Variants in RNFT2 observed in about 807,000 individuals in gnomAD.
RNFT2 encodes the protein ring finger protein, transmembrane 2.
Under a neutral mutation model 53.0 loss-of-function variants are expected in RNFT2, and 36 were observed. That is an observed-to-expected ratio of 0.68 (90% CI 0.52 to 0.90). The LOEUF (loss-of-function observed/expected upper bound fraction) is 0.90. Ranked by LOEUF, RNFT2 falls within the 40% of genes least tolerant of loss-of-function variation. The pLI, the probability that RNFT2 is intolerant of heterozygous loss-of-function variation, is 0.00. For missense variants in RNFT2, 514 were observed against 585.6 expected, an observed-to-expected ratio of 0.88 and a Z score of 1.26; for synonymous variants, 260 against 253.2, an observed-to-expected ratio of 1.03 and a Z score of -0.26.
chr12:116,761,090 G>A (rs949022673), intron 5 of RNFT2, among the ~76,000 whole-genome samples: 1 of 151,964 alleles, frequency 6.6e-6, no homozygotes, highest in Non-Finnish European at 1.5e-5. Context: ...TCTCCTCCAC[G>A]TACACCTAGC....
At chr12:116,813,601 C>T (rs1041025004) in intron 7 of RNFT2, among the ~76,000 whole-genome samples, 4 of 152,218 alleles carry the variant, frequency 2.6e-5, no homozygotes, top group Non-Finnish European at 5.9e-5. Context: ...GGTTTGTCTC[C>T]CCCATTAGGA....
chr12:116,750,875 TATATATTATATATATA>T (rs1172828608), intron 4 of RNFT2, among the ~76,000 whole-genome samples: 71 of 1,224 alleles, frequency 0.058, 5 homozygotes, highest in East Asian at 0.42. Flanking sequence ...ATATATAATA[TATATATTATATATATA>T]ATATATATAT....
At chr12:116,801,803 T>TG (rs1874804595) in intron 7 of RNFT2, among the ~76,000 whole-genome samples, 5 of 138,914 alleles carry the variant, frequency 3.6e-5, no homozygotes, top group African/African-American at 1.6e-4. Context: ...TGTGGGGTTT[T>TG]TTTTGTTTGT....
At chr12:116,774,934 AAGAGAG>A (rs113761307) in intron 6 of RNFT2, among the ~76,000 whole-genome samples, 4,074 of 147,914 alleles carry the variant, frequency 0.028, 146 homozygotes, top group African/African-American at 0.091. Flanking sequence ...GGTGCACAGA[AAGAGAG>A]AGAGAGAGAG....
intron 4 of RNFT2, among the ~76,000 whole-genome samples, chr12:116,753,154 T>C (rs199952382): frequency 8.2e-5 from 8 of 97,186 alleles, no homozygotes; most frequent in African/African-American, 2.0e-4. Context: ...TTTTCTTTTT[T>C]TTTTTTTTTT....
In RNFT2 at chr12:116,779,246, A is replaced by G. The variant is rs993677128; in HGVS notation, c.780A>G (p.Leu260=). Residue 260 remains leucine (L), a synonymous_variant, in exon 7 of 11, where the codon CTA becomes CTG. Coordinates refer to ENST00000257575, the MANE Select transcript of RNFT2 (RefSeq NM_001382266.1). ...AGATGCTGGACTTCTTTGACCTGCT[A>G]TGGATTGTGGGGATCGCAGACTTTG... is the stretch of plus-strand genomic sequence containing the variant. The part of the protein sequence containing the change: ...NLEMLDFFDL[L]WIVGIADFVL... 6.2e-6 allele frequency: 10 copies of G among 1,613,810 alleles called. No individual in the cohort carries two copies. The highest frequency in any genetic ancestry group is 5.0e-5 in the Admixed American group (3 of 60,000).
intron 7 of RNFT2, among the ~76,000 whole-genome samples, chr12:116,794,110 A>G (rs1396988671): frequency 1.3e-5 from 2 of 151,968 alleles, no homozygotes; most frequent in Non-Finnish European, 2.9e-5. Flanking sequence ...ATAAAAAACT[A>G]AAAACGTATC....
chr12:116,847,761 G>A (rs1408192181), intron 10 of RNFT2, among the ~76,000 whole-genome samples: 5 of 151,964 alleles, frequency 3.3e-5, no homozygotes, highest in East Asian at 1.9e-4. Flanking sequence ...TCCTGACCTC[G>A]GGTGATCCGC....
intron 5 of RNFT2, among the ~76,000 whole-genome samples, chr12:116,761,153 G>GT (rs1872678652): frequency 1.3e-5 from 2 of 151,440 alleles, no homozygotes; most frequent in South Asian, 4.2e-4. Flanking sequence ...TTCATTTTTT[G>GT]TTTTTTTCTT....
intron 7 of RNFT2, among the ~76,000 whole-genome samples, chr12:116,782,893 C>T (rs373872956): frequency 6.6e-6 from 1 of 152,100 alleles, no homozygotes; most frequent in Non-Finnish European, 1.5e-5. Context: ...AAACCCTGCC[C>T]GCACCTTTGT....
At position 116,801,803 on chromosome 12, in the gene RNFT2, TTTTTGTTTG is replaced by T. The variant is rs1321822018; in HGVS notation, c.882+22459_882+22467del. 1.1e-3 allele frequency among the ~76,000 whole-genome samples: 151 copies of T among 138,914 alleles called. 1 individual carries two copies. Among genetic ancestry groups the T allele is most frequent in the African/African-American group, 4.7e-3 (144 of 30,348 alleles). 91.1% of individuals were successfully genotyped at this position (138,914 alleles called of 152,430 possible). ...GGTTTGTTTGTTTTCTGTGGGGTTT[TTTTTGTTTG>T]TTTGTTTGTTTGTTTGTTTGTTTTT... On this transcript the variant is annotated intron_variant, in intron 7 of 10. Coordinates refer to ENST00000257575, the MANE Select transcript of RNFT2 (RefSeq NM_001382266.1).
intron 6 of RNFT2, among the ~76,000 whole-genome samples, chr12:116,768,105 T>TC (rs1872998692): frequency 6.6e-6 from 1 of 151,672 alleles, no homozygotes; most frequent in Non-Finnish European, 1.5e-5. Context: ...TGGCCTTTTT[T>TC]TTTTTTTTTT....
At chr12:116,765,195 CTCTTCCT>C (rs1872855109) in intron 5 of RNFT2, among the ~76,000 whole-genome samples, 1 of 152,198 alleles carries the variant, frequency 6.6e-6, no homozygotes, top group Non-Finnish European at 1.5e-5. Context: ...TGCTAATTCC[CTCTTCCT>C]ATTCCACCTT....
intron 7 of RNFT2, among the ~76,000 whole-genome samples, chr12:116,787,078 T>C (rs139964408): frequency 3.7e-4 from 56 of 152,352 alleles, no homozygotes; most frequent in African/African-American, 1.3e-3. Flanking sequence ...ATTTTCTAAA[T>C]AATGTCACAT....
Position 116,852,411 on chromosome 12 carries a change from G to T in RNFT2, c.*2963G>T, listed in dbSNP as rs1207030252. The T allele has an allele frequency of 2.2e-6, 3 of 1,362,656 alleles. No homozygotes were observed. The highest frequency in any genetic ancestry group is 2.8e-6 in the Non-Finnish European group (3 of 1,056,318). The allele number at this position is 1,362,656 out of a possible 1,614,324, so 84.4% of individuals were successfully genotyped here. On this transcript the variant is annotated 3_prime_UTR_variant, in exon 11 of 11. Coordinates refer to ENST00000257575, the MANE Select transcript of RNFT2 (RefSeq NM_001382266.1). ...GGCTTGGCATCCCTGGCTCTCTCCT[G>T]GTACCCAGCAAGACGTCTGTTCCAG...
intron 5 of RNFT2, chr12:116,755,827 A>G (rs1207241993): frequency 1.7e-5 from 27 of 1,571,388 alleles, no homozygotes; most frequent in Admixed American, 5.0e-5. Context: ...TAAAAGGCCT[A>G]GAGAACATAT....
At chr12:116,740,563 G>C in intron 2 of RNFT2, 42 bp downstream of exon 2, 5 of 1,541,366 alleles carry the variant, frequency 3.2e-6, no homozygotes, top group Non-Finnish European at 4.4e-6. Flanking sequence ...ATTACTACTT[G>C]ATTAAATGTG....
At position 116,852,425 on chromosome 12, in the gene RNFT2, C is replaced by T. The variant is rs190810717; in HGVS notation, c.*2977C>T. On this transcript the variant is annotated 3_prime_UTR_variant, in exon 11 of 11. Coordinates refer to ENST00000257575, the MANE Select transcript of RNFT2 (RefSeq NM_001382266.1). ...GGCTCTCTCCTGGTACCCAGCAAGA[C>T]GTCTGTTCCAGGGCAGTGTAGCATC... 11 of 1,378,038 alleles carry T rather than the reference C, an allele frequency of 8.0e-6. No homozygotes were observed. The highest frequency in any genetic ancestry group is 5.7e-5 in the East Asian group (2 of 35,344). The allele number at this position is 1,378,038 out of a possible 1,614,324, so 85.4% of individuals were successfully genotyped here. A position where few individuals can be genotyped will look rare whatever the true frequency, so the allele number is the denominator to read the frequency against.
Position 116,849,313 on chromosome 12 carries a change from G to T in RNFT2, c.1201-1G>T. ...GTGCCTGCTGATTGCTGTCCCCGCAGCACGTGTTCTGTGAGGAGTGCCTCT... is the reference window on the plus strand; with the variant it reads ...GTGCCTGCTGATTGCTGTCCCCGCATCACGTGTTCTGTGAGGAGTGCCTCT... On this transcript the variant is annotated splice_acceptor_variant, in intron 10 of 10. Transcript: ENST00000257575. LOFTEE classifies it high-confidence loss of function. 6.5e-7 allele frequency: 1 copy of T among 1,537,864 alleles called. No individual in the cohort carries two copies.
Sources: gnomAD v4.1 joint callset for allele counts (sites outside exome capture counted in the v4.1 genomes callset) on GRCh38, gnomAD v4.1.1 for gene constraint, MANE v1.5 for transcripts, NCBI Gene and HGNC (gene_info 2026-07-23, HGNC 2026-07-21) for gene names.